Variants in ATOSA observed in about 807,000 individuals in gnomAD.
The protein encoded by ATOSA is atos homolog A, also known as atos homolog protein A.
At chr15:52,598,124 AAAACAAAC>A in the ATOSA span, among the ~76,000 whole-genome samples, 7 of 152,218 alleles carry the variant, frequency 4.6e-5, no homozygotes, top group Admixed American at 1.3e-4. Flanking sequence ...ACTCTGTCTC[AAAACAAAC>A]AAACAAACAA....
the ATOSA span, among the ~76,000 whole-genome samples, chr15:52,628,574 AC>A: frequency 6.6e-6 from 1 of 152,226 alleles, no homozygotes; most frequent in Non-Finnish European, 1.5e-5. Flanking sequence ...ACTATTTACT[AC>A]AGTAATGTAA....
chr15:52,704,078 A>G, the ATOSA span, among the ~76,000 whole-genome samples: 2 of 152,190 alleles, frequency 1.3e-5, no homozygotes, highest in Non-Finnish European at 2.9e-5. Context: ...GCACAAAAAG[A>G]AAAATAGGAA....
At chr15:52,611,019 A>G in the ATOSA span, 11 of 1,250,134 alleles carry the variant, frequency 8.8e-6, no homozygotes, top group Non-Finnish European at 1.1e-5. Context: ...AATTTTATCC[A>G]CTTACATTTA....
chr15:52,628,791 A>G, the ATOSA span, among the ~76,000 whole-genome samples: 1 of 152,216 alleles, frequency 6.6e-6, no homozygotes, highest in Non-Finnish European at 1.5e-5. Flanking sequence ...CCATGAAAGT[A>G]TAACACAAAA....
At chr15:52,584,155 T>C in the ATOSA span, among the ~76,000 whole-genome samples, 61 of 150,304 alleles carry the variant, frequency 4.1e-4, no homozygotes, top group Non-Finnish European at 7.6e-4. Flanking sequence ...CTTTTTTTTT[T>C]TTTTTTGAGA....
the ATOSA span, among the ~76,000 whole-genome samples, chr15:52,613,282 C>T: frequency 5.3e-5 from 8 of 152,248 alleles, no homozygotes; most frequent in Non-Finnish European, 5.9e-5. Context: ...AGAAGAATTG[C>T]TTGAACCCGG....
the ATOSA span, among the ~76,000 whole-genome samples, chr15:52,621,549 G>A: frequency 1.3e-5 from 2 of 152,204 alleles, no homozygotes; most frequent in African/African-American, 4.8e-5. Context: ...CACGTGTCAT[G>A]GGAGGGTCCC....
At chr15:52,615,940 T>C in the ATOSA span, among the ~76,000 whole-genome samples, 136,714 of 152,250 alleles carry the variant, frequency 0.9, 61,444 homozygotes, top group East Asian at 1. Flanking sequence ...CCCAAGATCA[T>C]CCAGCTAGGA....
the ATOSA span, among the ~76,000 whole-genome samples, chr15:52,702,647 A>G: frequency 6.6e-6 from 1 of 151,976 alleles, no homozygotes; most frequent in Non-Finnish European, 1.5e-5. Flanking sequence ...AAAAGTAACT[A>G]TTTGGATACT....
chr15:52,702,569 G>A, the ATOSA span, among the ~76,000 whole-genome samples: 5 of 152,054 alleles, frequency 3.3e-5, no homozygotes, highest in African/African-American at 1.2e-4. Context: ...GGTACTCATG[G>A]ACATAGAGAT....
the ATOSA span, among the ~76,000 whole-genome samples, chr15:52,672,524 TTAG>T: frequency 6.6e-6 from 1 of 152,066 alleles, no homozygotes. Context: ...ACCAGTATTG[TTAG>T]TCTGAGTTTA....
chr15:52,696,119 G>A, the ATOSA span, among the ~76,000 whole-genome samples: 5 of 152,142 alleles, frequency 3.3e-5, no homozygotes, highest in African/African-American at 1.2e-4. Context: ...TTGAAATTAG[G>A]TGATAGTGGG....
At chr15:52,609,838 G>C in the ATOSA span, 1 of 1,613,892 alleles carries the variant, frequency 6.2e-7, no homozygotes, top group East Asian at 2.2e-5. Context: ...TAAAGGGTTA[G>C]TCTCACCAGC....
At chr15:52,615,558 G>A in the ATOSA span, among the ~76,000 whole-genome samples, 1 of 152,216 alleles carries the variant, frequency 6.6e-6, no homozygotes, top group African/African-American at 2.4e-5. Context: ...TGGGAAGAGA[G>A]AAGGTGCAAT....
the ATOSA span, among the ~76,000 whole-genome samples, chr15:52,623,957 C>T: frequency 4.6e-5 from 7 of 152,188 alleles, 1 homozygote; most frequent in African/African-American, 1.7e-4. Flanking sequence ...TGCTTCTCTT[C>T]TAAGTCTATG....
the ATOSA span, chr15:52,657,577 C>T: frequency 2.6e-5 from 4 of 152,116 alleles, no homozygotes; most frequent in South Asian, 2.1e-4. Context: ...TAACAAACTT[C>T]GGAGAGAACA....
At chr15:52,703,748 G>A in the ATOSA span, among the ~76,000 whole-genome samples, 11 of 152,204 alleles carry the variant, frequency 7.2e-5, no homozygotes, top group Admixed American at 6.5e-4. Context: ...TGTAAATGAC[G>A]AGTTGATGGG....
chr15:52,707,093 A>C, the ATOSA span, among the ~76,000 whole-genome samples: 6 of 152,244 alleles, frequency 3.9e-5, no homozygotes, highest in Admixed American at 1.3e-4. Flanking sequence ...ACTTCCTTAT[A>C]ACAGAATGTC....
the ATOSA span, among the ~76,000 whole-genome samples, chr15:52,589,841 G>A: frequency 4.6e-5 from 7 of 151,494 alleles, no homozygotes; most frequent in Non-Finnish European, 7.4e-5. Flanking sequence ...AGACTGGAGT[G>A]CAGTGACACG....
Sources: gnomAD v4.1 joint callset for allele counts (sites outside exome capture counted in the v4.1 genomes callset) on GRCh38, gnomAD v4.1.1 for gene constraint, MANE v1.5 for transcripts, NCBI Gene and HGNC (gene_info 2026-07-23, HGNC 2026-07-21) for gene names.